RASGEF1B: variants seen among roughly 807,000 people sequenced by gnomAD.
RASGEF1B encodes the protein ras-GEF domain-containing family member 1B.
In RASGEF1B, 30 loss-of-function variants were observed where a neutral mutation model predicts 65.7. The ratio of observed to expected loss-of-function variants is 0.46; its 90% confidence interval spans 0.34 to 0.62. RASGEF1B has a LOEUF of 0.62. Among genes scored for constraint, RASGEF1B ranks in the 20% least tolerant of loss-of-function variants. The pLI is 0.01. For missense variants in RASGEF1B, 495 were observed against 580.1 expected, an observed-to-expected ratio of 0.85 and a Z score of 1.51; for synonymous variants, 175 against 194.8, an observed-to-expected ratio of 0.90 and a Z score of 0.85.
intron 13 of RASGEF1B, among the ~76,000 whole-genome samples, chr4:81,430,282 CAG>C (rs1018116040): frequency 1.3e-5 from 2 of 152,180 alleles, no homozygotes; most frequent in African/African-American, 4.8e-5. Flanking sequence ...GCCTGGGCGA[CAG>C]AGAGAGACTT....
rs1050533299 is a variant in RASGEF1B at position 81,426,625 on chromosome 4, G to A, written c.*1143C>T. On this transcript the variant is annotated 3_prime_UTR_variant, in exon 14 of 14. Transcript: ENST00000264400. ...TAAATATAATGGCTGTTTGCAGAGC[G>A]ACTACAGACTTACTTAGATGTTTAA... 6.6e-6 allele frequency: 1 copy of A among 152,174 alleles called. No individual in the cohort carries two copies. Among genetic ancestry groups the A allele is most frequent in the African/African-American group, 2.4e-5 (1 of 41,430 alleles). The allele number at this position is 152,174 out of a possible 1,614,324, so 9.4% of individuals were successfully genotyped here. A position where few individuals can be genotyped will look rare whatever the true frequency, so the allele number is the denominator to read the frequency against.
intron 6 of RASGEF1B, among the ~76,000 whole-genome samples, chr4:81,446,126 A>G (rs1019495321): frequency 2.8e-4 from 42 of 152,146 alleles, no homozygotes; most frequent in African/African-American, 1.0e-3. Context: ...TGTAATCCCA[A>G]CACTTTGGGA....
chr4:81,454,157 C>T (rs915581128), intron 4 of RASGEF1B: 3 of 152,134 alleles, frequency 2.0e-5, no homozygotes, highest in African/African-American at 2.4e-5. Context: ...GCTGTTTGGC[C>T]CTTCTCTCTG....
chr4:81,441,453 T>C (rs1198296831), intron 9 of RASGEF1B, among the ~76,000 whole-genome samples: 1 of 152,150 alleles, frequency 6.6e-6, no homozygotes, highest in African/African-American at 2.4e-5. Flanking sequence ...ACTTTCTTAT[T>C]GTCTCCAAAG....
In RASGEF1B at chr4:81,433,892, C is replaced by T. The variant is rs777987363; in HGVS notation, c.1272G>A (p.Arg424=). The change falls in exon 12 of 14, where the codon AGG becomes AGA. Residue 424 remains arginine, a synonymous_variant. Transcript: ENST00000264400. ...GCAGATACTGCAAGATCTTCCGGTC[C>T]CTCTCAAATGGACACTCCACTTGTT... The part of the protein sequence containing the change: ...TWKQVECPFE[R]DRKILQYLLT... The T allele has an allele frequency of 1.9e-6, 3 of 1,614,010 alleles. No individual in the cohort carries two copies. The South Asian group carries it at 3.3e-5, about 18-fold the overall frequency.
Position 81,448,173 on chromosome 4 carries a change from G to A in RASGEF1B, c.550C>T (p.Arg184Trp), listed in dbSNP as rs527942666. 19 of 1,614,084 alleles carry A rather than the reference G, an allele frequency of 1.2e-5. No homozygotes were observed. Among genetic ancestry groups the A allele is most frequent in the Admixed American group, 5.0e-5 (3 of 60,016 alleles). ...GGCTTGGTCTTGAGAACTGTGAGCC[G>A]ATCTGTGGATGTGGAGCTGATTTTT... ...LAKISSTSTD[R>W]LTVLKTKPQS... The change falls in exon 5 of 14, where the codon CGG becomes TGG. Residue 184 changes from arginine to tryptophan, a missense_variant. Transcript: ENST00000264400.
rs548964791 is a variant in RASGEF1B, at chr4:81,450,315, C to T, written c.439-2031G>A. Among the ~76,000 whole-genome samples, 8 of 152,110 alleles carry T rather than the reference C, an allele frequency of 5.3e-5. No individual in the cohort carries two copies. The East Asian group carries it at 5.8e-4, about 11-fold the overall frequency. The stretch of plus-strand genomic sequence containing the variant: ...AGAGGATCCCTTGAGCCCAGGAGAT[C>T]GAGACAACATAGTGAGACCCTGTCT... On this transcript the variant is annotated intron_variant, in intron 4 of 13. Coordinates refer to ENST00000264400, the MANE Select transcript of RASGEF1B (RefSeq NM_152545.3).
At position 81,458,671 on chromosome 4, in the gene RASGEF1B, C is replaced by T. The variant is rs778112160; in HGVS notation, c.177+661G>A. On this transcript the variant is annotated intron_variant, in intron 2 of 13. Coordinates refer to ENST00000264400, the MANE Select transcript of RASGEF1B (RefSeq NM_152545.3). ...AGGGAAGGGGGAAAAAGTCACTTGT[C>T]CCAGAAAGAAAACCTGTGTTTGACT... Among the ~76,000 whole-genome samples, 7 of 152,302 alleles carry T rather than the reference C, an allele frequency of 4.6e-5. No individual in the cohort carries two copies. The East Asian group carries it at 1.4e-3, about 29-fold the overall frequency.
chr4:81,433,105 C>T (rs905562315), intron 12 of RASGEF1B, among the ~76,000 whole-genome samples: 10 of 151,166 alleles, frequency 6.6e-5, no homozygotes, highest in Non-Finnish European at 1.2e-4. Context: ...GGTGCACGCC[C>T]GTACTCCCAG....
intron 1 of RASGEF1B, among the ~76,000 whole-genome samples, chr4:81,461,749 G>A (rs1722651989): frequency 6.6e-6 from 1 of 152,188 alleles, no homozygotes; most frequent in Non-Finnish European, 1.5e-5. Context: ...AGCAATGACT[G>A]TCAGACAGTC....
intron 1 of RASGEF1B, among the ~76,000 whole-genome samples, chr4:81,467,608 G>A (rs1054988296): frequency 6.6e-6 from 1 of 152,172 alleles, no homozygotes; most frequent in African/African-American, 2.4e-5. Flanking sequence ...CTTTCAAAGA[G>A]TTGGCACTTT....
At chr4:81,449,364 G>T (rs947844002) in intron 4 of RASGEF1B, among the ~76,000 whole-genome samples, 4 of 152,208 alleles carry the variant, frequency 2.6e-5, no homozygotes, top group African/African-American at 9.6e-5. Context: ...AGCACTGCAT[G>T]TAGTTTAGAT....
chr4:81,441,523 A>ACG (rs1721836107), intron 9 of RASGEF1B, among the ~76,000 whole-genome samples: 1 of 151,486 alleles, frequency 6.6e-6, no homozygotes, highest in African/African-American at 2.4e-5. Context: ...ATTCAAATAC[A>ACG]CATACTCTTG....
At chr4:81,439,821 T>C (rs149832631) in intron 10 of RASGEF1B, among the ~76,000 whole-genome samples, 16 of 152,248 alleles carry the variant, frequency 1.1e-4, no homozygotes, top group Non-Finnish European at 1.9e-4. Context: ...CTCTGCTTCA[T>C]ACCCCCTCTG....
rs1416633205 is a variant in RASGEF1B at position 81,457,353 on chromosome 4, C to T, written c.300+146G>A. The T allele has an allele frequency of 5.7e-6, 4 of 707,554 alleles. No homozygotes were observed. In the African/African-American group the frequency reaches 7.2e-5, roughly 13 times the overall value. The allele number at this position is 707,554 out of a possible 1,614,324, so 43.8% of individuals were successfully genotyped here. Reference sequence around the variant, plus strand: ...TATCCTGTGTTCTTTATTCTTTATACCATTCACAATTCCCCTTGTATAGCC... The same window carrying T: ...TATCCTGTGTTCTTTATTCTTTATATCATTCACAATTCCCCTTGTATAGCC... On this transcript the variant is annotated intron_variant, in intron 3 of 13. Transcript: ENST00000264400.
intron 13 of RASGEF1B, among the ~76,000 whole-genome samples, chr4:81,431,379 G>A (rs766516285): frequency 6.6e-6 from 1 of 151,822 alleles, no homozygotes; most frequent in Non-Finnish European, 1.5e-5. Context: ...GTTTGTGTCT[G>A]GGCATACAAG....
chr4:81,459,613 G>C, intron 1 of RASGEF1B, 99 bp from the exon 2 acceptor site: 1 of 897,558 alleles, frequency 1.1e-6, no homozygotes, highest in Non-Finnish European at 1.6e-6. Context: ...AGTAACGAGA[G>C]AATAGGCAAT....
intron 1 of RASGEF1B, among the ~76,000 whole-genome samples, chr4:81,460,679 AG>A (rs1383386113): frequency 6.6e-6 from 1 of 152,212 alleles, no homozygotes; most frequent in Non-Finnish European, 1.5e-5. Flanking sequence ...GTGCCTCAGC[AG>A]GGGGCGGCCA....
intron 13 of RASGEF1B, among the ~76,000 whole-genome samples, chr4:81,430,721 C>T (rs17615661): frequency 0.14 from 21,297 of 152,196 alleles, 1,839 homozygotes; most frequent in South Asian, 0.3. Flanking sequence ...ACAGTACAGA[C>T]GTGGGAAGAC....
Sources: gnomAD v4.1 joint callset for allele counts (sites outside exome capture counted in the v4.1 genomes callset) on GRCh38, gnomAD v4.1.1 for gene constraint, MANE v1.5 for transcripts, NCBI Gene and HGNC (gene_info 2026-07-23, HGNC 2026-07-21) for gene names.